ME3: variants seen among roughly 807,000 people sequenced by gnomAD.
ME3 encodes the protein malic enzyme 3.
In ME3, 48 loss-of-function variants were observed where a neutral mutation model predicts 68.9. The observed-to-expected ratio is 0.70, with a 90% CI of 0.55 to 0.89. ME3 has a LOEUF of 0.89. Ranked by LOEUF, ME3 falls within the 40% of genes least tolerant of loss-of-function variation. The pLI is 0.00. For missense variants in ME3, 675 were observed against 797.4 expected, an observed-to-expected ratio of 0.85 and a Z score of 1.85; for synonymous variants, 320 against 318.8, an observed-to-expected ratio of 1.00 and a Z score of -0.04.
chr11:86,457,671 C>T, intron 8 of ME3: 1 of 1,286,654 alleles, frequency 7.8e-7, no homozygotes, highest in Non-Finnish European at 1.0e-6. Context: ...GAGGTAACCA[C>T]TCTGAGAAGC....
intron 7 of ME3, among the ~76,000 whole-genome samples, chr11:86,481,630 G>C (rs1443474185): frequency 1.3e-5 from 2 of 152,158 alleles, no homozygotes. Flanking sequence ...GCATGTTTTT[G>C]TAACTCAGAA....
intron 7 of ME3, among the ~76,000 whole-genome samples, chr11:86,475,946 G>A (rs1057501510): frequency 6.6e-6 from 1 of 151,634 alleles, no homozygotes; most frequent in African/African-American, 2.4e-5. Flanking sequence ...TATGCTGAGA[G>A]GGACTCAGAA....
At chr11:86,511,270 A>G (rs184161300) in intron 4 of ME3, among the ~76,000 whole-genome samples, 2 of 152,338 alleles carry the variant, frequency 1.3e-5, no homozygotes, top group Admixed American at 1.3e-4. Context: ...AATAAAGACC[A>G]AAGTCCTCAA....
chr11:86,444,112 G>A (rs1949156008), intron 13 of ME3, among the ~76,000 whole-genome samples: 2 of 152,278 alleles, frequency 1.3e-5, no homozygotes, highest in Admixed American at 6.5e-5. Context: ...CAATGAGAGG[G>A]GACATACAGG....
intron 2 of ME3, among the ~76,000 whole-genome samples, chr11:86,616,340 A>G (rs756752622): frequency 1.3e-5 from 2 of 152,178 alleles, no homozygotes; most frequent in Non-Finnish European, 2.9e-5. Context: ...AAATACTGGA[A>G]TTTCTCTTCA....
intron 7 of ME3, among the ~76,000 whole-genome samples, chr11:86,475,441 A>G (rs1287228514): frequency 6.6e-6 from 1 of 152,066 alleles, no homozygotes; most frequent in Admixed American, 6.6e-5. Context: ...AGCTAATTAC[A>G]CCTCTTTTCT....
In ME3 at chr11:86,495,648, A is replaced by G. The variant is rs182237702; in HGVS notation, c.705+2315T>C. Among the ~76,000 whole-genome samples, 10 of 152,314 alleles carry G rather than the reference A, an allele frequency of 6.6e-5. No individual in the cohort carries two copies. The East Asian group carries it at 7.7e-4, about 12-fold the overall frequency. ...AAAAGACAATTTCAGCAAAACTCAG[A>G]TATCTGGCTGGGGGAAGGGCATTGC... is the stretch of plus-strand genomic sequence containing the variant. On this transcript the variant is annotated intron_variant, in intron 6 of 14. Transcript: ENST00000543262.
chr11:86,499,484 A>G (rs1380200243), intron 5 of ME3, among the ~76,000 whole-genome samples: 1 of 152,172 alleles, frequency 6.6e-6, no homozygotes, highest in Non-Finnish European at 1.5e-5. Context: ...TGAACACCAT[A>G]GGGTTTGGTT....
At chr11:86,532,309 G>A (rs1955309031) in intron 4 of ME3, among the ~76,000 whole-genome samples, 1 of 148,840 alleles carries the variant, frequency 6.7e-6, no homozygotes. Flanking sequence ...TTCAATAATA[G>A]ACAGATCAGA....
chr11:86,608,799 A>G (rs1942343016), intron 2 of ME3, among the ~76,000 whole-genome samples: 1 of 152,252 alleles, frequency 6.6e-6, no homozygotes, highest in African/African-American at 2.4e-5. Context: ...TAACTGGTAT[A>G]TCAGATAATT....
intron 13 of ME3, among the ~76,000 whole-genome samples, chr11:86,443,601 G>C (rs1949125507): frequency 6.6e-6 from 1 of 152,202 alleles, no homozygotes; most frequent in African/African-American, 2.4e-5. Context: ...TAATGTGGTG[G>C]TTCTGAATCT....
intron 7 of ME3, among the ~76,000 whole-genome samples, chr11:86,475,866 TATATATATAGAGAG>T (rs1218663464): frequency 8.9e-6 from 1 of 111,958 alleles, no homozygotes; most frequent in African/African-American, 3.7e-5. Flanking sequence ...TATATATATA[TATATATATAGAGAG>T]AGAGAGAGAG....
intron 2 of ME3, among the ~76,000 whole-genome samples, chr11:86,584,826 T>C (rs1958639333): frequency 6.6e-6 from 1 of 152,192 alleles, no homozygotes; most frequent in Admixed American, 6.5e-5. Flanking sequence ...TCAATGGGTA[T>C]ACGATTTCAG....
chr11:86,650,319 A>C (rs1945316936), intron 2 of ME3, among the ~76,000 whole-genome samples: 2 of 152,234 alleles, frequency 1.3e-5, no homozygotes, highest in African/African-American at 4.8e-5. Context: ...AAAATGGATT[A>C]AATATTTAAA....
intron 2 of ME3, among the ~76,000 whole-genome samples, chr11:86,669,803 A>C (rs1946808561): frequency 6.6e-6 from 1 of 152,230 alleles, no homozygotes; most frequent in Admixed American, 6.5e-5. Context: ...CAGGGGACCA[A>C]AACCTAGGTT....
At chr11:86,612,600 C>T (rs1215742014) in intron 2 of ME3, among the ~76,000 whole-genome samples, 1 of 152,168 alleles carries the variant, frequency 6.6e-6, no homozygotes, top group African/African-American at 2.4e-5. Flanking sequence ...TTAATAATTG[C>T]CATTCTGACT....
At chr11:86,518,657 C>A (rs1025321303) in intron 4 of ME3, among the ~76,000 whole-genome samples, 1 of 152,152 alleles carries the variant, frequency 6.6e-6, no homozygotes. Context: ...ACTTCTAGAA[C>A]CAGCTGAAGA....
intron 2 of ME3, among the ~76,000 whole-genome samples, chr11:86,641,344 C>T (rs1193383952): frequency 6.6e-6 from 1 of 152,196 alleles, no homozygotes; most frequent in Non-Finnish European, 1.5e-5. Context: ...TGAAGCACTT[C>T]CTCTCTGAGT....
chr11:86,665,471 A>G lies in ME3; in HGVS notation c.183+6291T>C, dbSNP rs148732108. The stretch of plus-strand genomic sequence containing the variant: ...AGTGCAAAGTCTGGGTAGGAGCACA[A>G]CTGACTGAGGAGGCCAATGGGGTTG... On this transcript the variant is annotated intron_variant, in intron 2 of 14. Transcript: ENST00000543262. 2.2e-4 allele frequency among the ~76,000 whole-genome samples: 33 copies of G among 152,284 alleles called. No homozygotes were observed. The East Asian group carries it at 5.4e-3, about 25-fold the overall frequency.
Sources: gnomAD v4.1 joint callset for allele counts (sites outside exome capture counted in the v4.1 genomes callset) on GRCh38, gnomAD v4.1.1 for gene constraint, MANE v1.5 for transcripts, NCBI Gene and HGNC (gene_info 2026-07-23, HGNC 2026-07-21) for gene names.